Variants in CRIM1 observed in about 807,000 individuals in gnomAD.
CRIM1 encodes the protein cysteine-rich motor neuron 1 protein.
A neutral mutation model predicts 116.4 loss-of-function variants in CRIM1; 32 were observed. The ratio of observed to expected loss-of-function variants is 0.27; its 90% CI spans 0.21 to 0.37. The LOEUF is 0.37. Among genes scored for constraint, CRIM1 ranks in the 10% least tolerant of loss-of-function variants. The probability of loss-of-function intolerance (pLI) is 1.00; values close to 1 mark genes in which losing one functional copy is unlikely to be tolerated. For synonymous variants in CRIM1, 590 were observed against 509.2 expected (o/e 1.16, Z -2.13); for missense variants, 1,331 against 1,354.8 (o/e 0.98, Z 0.28).
intron 1 of CRIM1, among the ~76,000 whole-genome samples, chr2:36,371,471 C>CA (rs1198346127): frequency 1.3e-5 from 2 of 152,148 alleles, no homozygotes; most frequent in East Asian, 3.8e-4. Flanking sequence ...AGATATTATA[C>CA]AAAAACTTTT....
At chr2:36,393,626 G>A (rs77413191) in intron 1 of CRIM1, among the ~76,000 whole-genome samples, 2 of 152,184 alleles carry the variant, frequency 1.3e-5, no homozygotes, top group African/African-American at 4.8e-5. Flanking sequence ...CGGGAGCATA[G>A]AGGATGGAGC....
At chr2:36,417,026 A>G (rs1673670675) in intron 2 of CRIM1, among the ~76,000 whole-genome samples, 2 of 152,192 alleles carry the variant, frequency 1.3e-5, no homozygotes, top group African/African-American at 4.8e-5. Context: ...TAGATGTTTC[A>G]GCAGGTAACA....
chr2:36,388,785 ATGAAACT>A (rs988732292), intron 1 of CRIM1, among the ~76,000 whole-genome samples: 1 of 133,444 alleles, frequency 7.5e-6, no homozygotes, highest in African/African-American at 2.9e-5. Context: ...AACATGAAAC[ATGAAACT>A]GGTGCTTCTC....
intron 15 of CRIM1, 114 bp from the exon 16 acceptor site, chr2:36,546,869 CA>C (rs1382607388): frequency 4.1e-5 from 20 of 487,070 alleles, no homozygotes; most frequent in Non-Finnish European, 6.1e-5. Flanking sequence ...TTTTTAGCCT[CA>C]AAAAACTGGG....
At chr2:36,443,460 A>G (rs1400761283) in intron 4 of CRIM1, among the ~76,000 whole-genome samples, 1 of 151,934 alleles carries the variant, frequency 6.6e-6, no homozygotes, top group African/African-American at 2.4e-5. Context: ...TCCCCCGACT[A>G]CTCACCCCTC....
Position 36,503,160 on chromosome 2 carries a change from T to G in CRIM1, c.1501+3813T>G, listed in dbSNP as rs200832136. 7.9e-5 allele frequency among the ~76,000 whole-genome samples: 12 copies of G among 152,290 alleles called. No individual in the cohort carries two copies. In the East Asian group the frequency reaches 1.9e-3, roughly 25 times the overall value. On this transcript the variant is annotated intron_variant, in intron 8 of 16. Transcript: ENST00000280527. ...CAAACCAAATTTCCAGGTCCTGGGT[T>G]TTGTCAGATTCTTGCGATCGTATGC...
chr2:36,493,985 G>A (rs1203728803), intron 7 of CRIM1, among the ~76,000 whole-genome samples: 2 of 152,138 alleles, frequency 1.3e-5, no homozygotes, highest in African/African-American at 4.8e-5. Flanking sequence ...TTAAAAGGCT[G>A]AATTTGAGTT....
intron 1 of CRIM1, among the ~76,000 whole-genome samples, chr2:36,360,996 G>T (rs1669190252): frequency 6.6e-6 from 1 of 152,078 alleles, no homozygotes; most frequent in Non-Finnish European, 1.5e-5. Context: ...AATGGGAAGA[G>T]AAACCAACGA....
chr2:36,356,202 G>C lies in CRIM1; in HGVS notation c.-91G>C. ...GGTGAGGACCGCGGGCTGCTGGTGC[G>C]GCGGCGGCGGCGCGTGTGCCCCGCG... On this transcript the variant is annotated 5_prime_UTR_variant, in exon 1 of 17. Transcript: ENST00000280527. The surrounding 1 kb of genome is among the most constrained non-coding windows in gnomAD (Gnocchi z 4.3). The C allele has an allele frequency of 6.0e-6, 3 of 500,672 alleles. No homozygotes were observed. The highest frequency in any genetic ancestry group is 8.7e-6 in the Non-Finnish European group (3 of 343,346). 31.0% of individuals were successfully genotyped at this position (500,672 alleles called of 1,614,324 possible).
Position 36,364,311 on chromosome 2 carries a change from A to G in CRIM1, c.331+7688A>G, listed in dbSNP as rs115174921. ...ATACAGCATGTATCACAGAGTATGC[A>G]TATTAAAAGACCTGATAAATGTTAC... On this transcript the variant is annotated intron_variant, in intron 1 of 16. Coordinates refer to ENST00000280527, the MANE Select transcript of CRIM1 (RefSeq NM_016441.3). Among the ~76,000 whole-genome samples, 347 of 152,370 alleles carry G rather than the reference A, an allele frequency of 2.3e-3. 2 individuals are homozygous for G. The highest frequency in any genetic ancestry group is 7.9e-3 in the African/African-American group (330 of 41,594).
chr2:36,502,407 C>T (rs1288126848), intron 8 of CRIM1, among the ~76,000 whole-genome samples: 1 of 152,164 alleles, frequency 6.6e-6, no homozygotes, highest in Non-Finnish European at 1.5e-5. Flanking sequence ...CTGAGTGCAC[C>T]TCTGTTTCAT....
chr2:36,497,594 G>A lies in CRIM1; in HGVS notation c.1373-1625G>A, dbSNP rs1413947117. On this transcript the variant is annotated intron_variant, in intron 7 of 16. Coordinates refer to ENST00000280527, the MANE Select transcript of CRIM1 (RefSeq NM_016441.3). ...TTTGATGTTTACAGTTATCTGTCAG[G>A]AAGAATACCTTGGTTATTGAAGGAA... 3.3e-5 allele frequency among the ~76,000 whole-genome samples: 5 copies of A among 152,164 alleles called. No individual in the cohort carries two copies. In the East Asian group the frequency reaches 7.7e-4, roughly 23 times the overall value.
chr2:36,379,614 C>G (rs761784871), intron 1 of CRIM1, among the ~76,000 whole-genome samples: 22 of 152,120 alleles, frequency 1.4e-4, no homozygotes, highest in Non-Finnish European at 2.1e-4. Flanking sequence ...GGTCCAAACT[C>G]TAGTTAATTC....
Position 36,497,020 on chromosome 2 carries a change from A to C in CRIM1, c.1373-2199A>C, listed in dbSNP as rs187008046. Among the ~76,000 whole-genome samples, 491 of 152,282 alleles carry C rather than the reference A, an allele frequency of 3.2e-3. 6 individuals are homozygous for C. Among genetic ancestry groups the C allele is most frequent in the African/African-American group, 0.011 (463 of 41,536 alleles). On this transcript the variant is annotated intron_variant, in intron 7 of 16. Coordinates refer to ENST00000280527, the MANE Select transcript of CRIM1 (RefSeq NM_016441.3). The stretch of plus-strand genomic sequence containing the variant: ...AAATCCCTAAAATTCACTGCTGCTA[A>C]AATTCCATACTACCCTATGATATGA...
chr2:36,535,185 GA>G, intron 13 of CRIM1, among the ~76,000 whole-genome samples: 3 of 131,028 alleles, frequency 2.3e-5, no homozygotes, highest in Admixed American at 7.6e-5. Flanking sequence ...GGGAGGGAGG[GA>G]GGGTAAAAAG....
chr2:36,481,957 G>A (rs1015049725), intron 7 of CRIM1, among the ~76,000 whole-genome samples: 1 of 152,282 alleles, frequency 6.6e-6, no homozygotes, highest in South Asian at 2.1e-4. Flanking sequence ...ACTACTCCAG[G>A]TATTTTGAAT....
At chr2:36,410,015 T>C (rs1055230083) in intron 2 of CRIM1, among the ~76,000 whole-genome samples, 4 of 152,226 alleles carry the variant, frequency 2.6e-5, no homozygotes, top group Non-Finnish European at 5.9e-5. Flanking sequence ...GGTAGGGATA[T>C]ACTCTTACAG....
intron 13 of CRIM1, among the ~76,000 whole-genome samples, chr2:36,533,110 TTAG>T (rs1666225168): frequency 2.6e-5 from 4 of 152,180 alleles, no homozygotes; most frequent in Non-Finnish European, 5.9e-5. Flanking sequence ...GTAGTCTCAA[TTAG>T]ATTATGCTGT....
In CRIM1 at chr2:36,442,641, G is replaced by A. The variant is rs750165378; in HGVS notation, c.775G>A (p.Glu259Lys). Residue 259 changes from glutamate to lysine, a missense_variant, in exon 4 of 17, where the codon GAA becomes AAA. Coordinates refer to ENST00000280527, the MANE Select transcript of CRIM1 (RefSeq NM_016441.3). ...TTTCGGCGTGGACTGCAGGACTGTG[G>A]AATGCCCTCCTGTTCAGCAGACCGC... ...PVFGVDCRTV[E>K]CPPVQQTACP... The A allele has an allele frequency of 1.4e-5, 23 of 1,614,022 alleles. No homozygotes were observed. Among genetic ancestry groups the A allele is most frequent in the Non-Finnish European group, 1.9e-5 (22 of 1,180,028 alleles).
Sources: gnomAD v4.1 joint callset for allele counts (sites outside exome capture counted in the v4.1 genomes callset) on GRCh38, gnomAD v4.1.1 for gene constraint, Gnocchi (gnomAD v3.1) non-coding constraint, MANE v1.5 for transcripts, NCBI Gene and HGNC (gene_info 2026-07-23, HGNC 2026-07-21) for gene names.